RAB10: variants seen among roughly 807,000 people sequenced by gnomAD.
The protein encoded by RAB10 is ras-related protein Rab-10.
Under a neutral mutation model 25.7 loss-of-function variants are expected in RAB10, and 5 were observed. The observed-to-expected ratio is 0.19, with a 90% CI of 0.10 to 0.41. RAB10 has a LOEUF of 0.41. Among genes scored for constraint, RAB10 ranks in the 10% least tolerant of loss-of-function variants. The pLI is 1.00. For synonymous variants in RAB10, 89 were observed against 86.4 expected (o/e 1.03, Z -0.16); for missense variants, 103 against 245.8 (o/e 0.42, Z 3.89).
chr2:26,071,012 A>G (rs527679974), intron 1 of RAB10, among the ~76,000 whole-genome samples: 1 of 152,322 alleles, frequency 6.6e-6, no homozygotes, highest in East Asian at 1.9e-4. Flanking sequence ...AAGACAATGG[A>G]ACCAAGCTGG....
At position 26,037,239 on chromosome 2, in the gene RAB10, G is replaced by A. The variant is rs540496947; in HGVS notation, c.127+2504G>A. Among the ~76,000 whole-genome samples the A allele has an allele frequency of 4.3e-4, 65 of 152,302 alleles. 2 individuals carry two copies. In the South Asian group the frequency reaches 0.013, roughly 30 times the overall value. On this transcript the variant is annotated intron_variant, in intron 1 of 5. Coordinates refer to ENST00000264710, the MANE Select transcript of RAB10 (RefSeq NM_016131.5). ...TTGTAGCCCTTTTACTTGGGAAGAT[G>A]TGTGATGATTTTGGATCAAGTCTGC...
chr2:26,118,023 G>A lies in RAB10; in HGVS notation c.327+8117G>A, dbSNP rs544653425. ...GTCTTGCTCTGTTGCCCAGGCTGGAGTGCAGTGGCGCAAATCTCAGCTCAC... is the reference window on the plus strand; with the variant it reads ...GTCTTGCTCTGTTGCCCAGGCTGGAATGCAGTGGCGCAAATCTCAGCTCAC... On this transcript the variant is annotated intron_variant, in intron 3 of 5. Transcript: ENST00000264710. Among the ~76,000 whole-genome samples, 64 of 152,262 alleles carry A rather than the reference G, an allele frequency of 4.2e-4. 2 individuals carry two copies. In the South Asian group the frequency reaches 0.012, roughly 30 times the overall value.
chr2:26,114,737 C>CAAAAAAAAAAAAAAAAAAAAAA (rs58252306), intron 3 of RAB10, among the ~76,000 whole-genome samples: 3 of 66,060 alleles, frequency 4.5e-5, no homozygotes, highest in African/African-American at 1.6e-4. Context: ...CAAAAATATA[C>CAAAAAAAAAAAAAAAAAAAAAA]AAAAAAAAAA....
At chr2:26,036,523 G>A (rs1387181442) in intron 1 of RAB10, among the ~76,000 whole-genome samples, 1 of 151,988 alleles carries the variant, frequency 6.6e-6, no homozygotes, top group East Asian at 2.0e-4. Flanking sequence ...GCTGGGCGTA[G>A]TGGCAGGCAC....
upstream of RAB10, among the ~76,000 whole-genome samples, chr2:26,033,847 C>G (rs1386373113): frequency 6.6e-6 from 1 of 152,200 alleles, no homozygotes; most frequent in Non-Finnish European, 1.5e-5. Flanking sequence ...AGCGTCTCCC[C>G]CGGGGCGTGC....
rs1667936381 is a variant in RAB10, at chr2:26,127,951, G to A, written c.519G>A (p.Lys173=). 1 of 1,584,576 alleles carries A rather than the reference G, an allele frequency of 6.3e-7. No individual in the cohort carries two copies. The highest frequency in any genetic ancestry group is 8.7e-7 in the Non-Finnish European group (1 of 1,153,192). The change falls in exon 5 of 6, where the codon AAG becomes AAA. Residue 173 remains lysine, a splice_region_variant and synonymous_variant. Coordinates refer to ENST00000264710, the MANE Select transcript of RAB10 (RefSeq NM_016131.5). ...CGTTAGCTGAAGATATCCTTCGAAA[G>A]GTAAGTTCCTGTTTTTATATCCTGC... ...FLTLAEDILR[K]TPVKEPNSEN...
intron 1 of RAB10, among the ~76,000 whole-genome samples, chr2:26,090,277 T>G (rs1337516744): frequency 1.3e-5 from 2 of 152,216 alleles, no homozygotes; most frequent in Non-Finnish European, 2.9e-5. Flanking sequence ...TTTTAAAAGA[T>G]ACTGTCATTT....
intron 3 of RAB10, among the ~76,000 whole-genome samples, chr2:26,115,678 T>C (rs1243644476): frequency 2.0e-5 from 3 of 152,146 alleles, no homozygotes; most frequent in African/African-American, 7.2e-5. Flanking sequence ...AACTGCCTCG[T>C]AAATAACTAA....
At chr2:26,057,327 C>T (rs1479130309) in intron 1 of RAB10, among the ~76,000 whole-genome samples, 1 of 151,524 alleles carries the variant, frequency 6.6e-6, no homozygotes, top group Non-Finnish European at 1.5e-5. Flanking sequence ...TACTGGGAGA[C>T]TGGAGGCAGG....
At chr2:26,058,554 T>C (rs982137974) in intron 1 of RAB10, among the ~76,000 whole-genome samples, 1 of 152,126 alleles carries the variant, frequency 6.6e-6, no homozygotes, top group Non-Finnish European at 1.5e-5. Context: ...TATACCACCG[T>C]ACTGTGCCCC....
intron 1 of RAB10, among the ~76,000 whole-genome samples, chr2:26,038,717 T>TC (rs890975438): frequency 6.6e-6 from 1 of 151,146 alleles, no homozygotes; most frequent in African/African-American, 2.4e-5. Context: ...GGTCAGGAGA[T>TC]CGAGACCATC....
At chr2:26,067,082 A>C (rs780468461) in intron 1 of RAB10, among the ~76,000 whole-genome samples, 24 of 151,852 alleles carry the variant, frequency 1.6e-4, no homozygotes, top group Non-Finnish European at 5.9e-5. Context: ...ATGCCGCTCT[A>C]TTTTTTGTAT....
At chr2:26,115,337 A>C (rs1667661437) in intron 3 of RAB10, among the ~76,000 whole-genome samples, 1 of 151,798 alleles carries the variant, frequency 6.6e-6, no homozygotes, top group Non-Finnish European at 1.5e-5. Context: ...ACCAGAAACA[A>C]CCCAAACATC....
chr2:26,083,352 C>T (rs959771243), intron 1 of RAB10, among the ~76,000 whole-genome samples: 2 of 152,180 alleles, frequency 1.3e-5, no homozygotes, highest in East Asian at 3.9e-4. Flanking sequence ...TGTACCAAAA[C>T]CAATTGTATT....
At chr2:26,119,400 C>A (rs1481453986) in intron 3 of RAB10, among the ~76,000 whole-genome samples, 1 of 151,774 alleles carries the variant, frequency 6.6e-6, no homozygotes, top group Admixed American at 6.6e-5. Flanking sequence ...CACAGCGAGA[C>A]CCTGTCTCAA....
At chr2:26,060,724 T>C (rs1483216657) in intron 1 of RAB10, among the ~76,000 whole-genome samples, 1 of 152,232 alleles carries the variant, frequency 6.6e-6, no homozygotes, top group East Asian at 1.9e-4. Context: ...GAATTGCTAA[T>C]CCAGGTCTGT....
At position 26,096,357 on chromosome 2, in the gene RAB10, T is replaced by C. The variant is rs569433287; in HGVS notation, c.128-2305T>C. On this transcript the variant is annotated intron_variant, in intron 1 of 5. Coordinates refer to ENST00000264710, the MANE Select transcript of RAB10 (RefSeq NM_016131.5). ...AGTGTAAGGATGTATGCCAGAACTT[T>C]AGAGTATTTTTGTAGTGTGCTTGCC... 3.9e-5 allele frequency among the ~76,000 whole-genome samples: 6 copies of C among 152,216 alleles called. No homozygotes were observed. In the East Asian group the frequency reaches 7.7e-4, roughly 20 times the overall value.
At chr2:26,119,131 G>C (rs562752501) in intron 3 of RAB10, among the ~76,000 whole-genome samples, 1 of 152,300 alleles carries the variant, frequency 6.6e-6, no homozygotes, top group East Asian at 1.9e-4. Context: ...ATAGGGCTGT[G>C]CACGGTGGCT....
At chr2:26,060,790 G>T (rs1302796797) in intron 1 of RAB10, among the ~76,000 whole-genome samples, 1 of 152,094 alleles carries the variant, frequency 6.6e-6, no homozygotes, top group Non-Finnish European at 1.5e-5. Flanking sequence ...GCTGGAAATA[G>T]ATATTTTCTT....
Sources: allele counts gnomAD v4.1 joint callset (sites outside exome capture counted in the v4.1 genomes callset), GRCh38; gene constraint gnomAD v4.1.1; transcripts MANE v1.5; gene names NCBI Gene and HGNC (gene_info 2026-07-23, HGNC 2026-07-21).